The following FBN1 variants were observed in gnomAD, a reference collection of about 807,000 sequenced individuals.
The protein encoded by FBN1 is fibrillin 1, also known as fibrillin-1.
In FBN1, 29 loss-of-function variants were observed where a neutral mutation model predicts 365.1. The ratio of observed to expected loss-of-function variants is 0.08; its 90% CI spans 0.06 to 0.11. The LOEUF is 0.11. FBN1 is among the 10% of genes least tolerant of loss of function. The pLI is 1.00. For synonymous variants in FBN1, 1,210 were observed against 1,270.5 expected, an observed-to-expected ratio of 0.95 and a Z score of 1.01; for missense variants, 2,476 against 3,703.2, an observed-to-expected ratio of 0.67 and a Z score of 8.60.
chr15:48,412,618 C>T lies in FBN1; in HGVS notation c.8177G>A (p.Arg2726Gln), dbSNP rs552157433. Residue 2726 changes from arginine (R) to glutamine (Q), a missense_variant, in exon 65 of 66, where the codon CGG becomes CAG. Physicochemically the swap from Arg to Gln is conservative, Grantham distance 43. Coordinates refer to ENST00000316623, the MANE Select transcript of FBN1 (RefSeq NM_000138.5). ...YECKINGYPK[R>Q]GRKRRSTNET... ...GTTTGTGCTTCTCCGTTTCCTGCCC[C>T]GTTTGGGGTAGCCATTGATCTTACA... 46 of 1,614,206 alleles carry T rather than the reference C, an allele frequency of 2.8e-5. No individual in the cohort carries two copies. Among genetic ancestry groups the T allele is most frequent in the South Asian group, 4.4e-5 (4 of 91,076 alleles).
intron 2 of FBN1, among the ~76,000 whole-genome samples, chr15:48,619,255 AACCACTCT>A (rs1328752547): frequency 1.6e-4 from 24 of 152,130 alleles, no homozygotes; most frequent in Admixed American, 8.5e-4. Flanking sequence ...CAAGCCAGCC[AACCACTCT>A]AACTTACTTT....
chr15:48,437,686 C>CTT, intron 51 of FBN1, 82 bp downstream of exon 51: 1 of 1,400,538 alleles, frequency 7.1e-7, no homozygotes, highest in Middle Eastern at 2.1e-4. Flanking sequence ...GTGTTACTGT[C>CTT]TTTAAGGCCT....
At chr15:48,515,127 T>C (rs969263569) in intron 12 of FBN1, among the ~76,000 whole-genome samples, 2 of 152,196 alleles carry the variant, frequency 1.3e-5, no homozygotes, top group Non-Finnish European at 2.9e-5. Context: ...CACAGGCAGC[T>C]GCTAGTAGCT....
At chr15:48,571,616 A>G (rs2044306080) in intron 6 of FBN1, among the ~76,000 whole-genome samples, 1 of 152,168 alleles carries the variant, frequency 6.6e-6, no homozygotes, top group Non-Finnish European at 1.5e-5. Context: ...ATAAGCAAGG[A>G]TTTTTCTTTC....
intron 5 of FBN1, among the ~76,000 whole-genome samples, chr15:48,596,895 G>A (rs754681133): frequency 4.6e-5 from 7 of 152,280 alleles, no homozygotes; most frequent in Non-Finnish European, 5.9e-5. Context: ...CAGAACTTAC[G>A]GAAACTATTG....
intron 6 of FBN1, among the ~76,000 whole-genome samples, chr15:48,560,802 T>G (rs1879719923): frequency 6.6e-6 from 1 of 152,056 alleles, no homozygotes; most frequent in Non-Finnish European, 1.5e-5. Flanking sequence ...CCCTGGAAAT[T>G]GCCTAATCCA....
intron 5 of FBN1, among the ~76,000 whole-genome samples, chr15:48,599,361 GTATT>G (rs1374344145): frequency 6.6e-6 from 1 of 152,080 alleles, no homozygotes; most frequent in Admixed American, 6.5e-5. Context: ...TTTGAATAAA[GTATT>G]AAGTGAAAAA....
At chr15:48,526,316 T>C (rs1488840845) in intron 8 of FBN1, 61 bp from the exon 9 acceptor site, 2 of 1,580,866 alleles carry the variant, frequency 1.3e-6, no homozygotes, top group Non-Finnish European at 1.7e-6. Context: ...CATTCGTCAG[T>C]AGAAGGACTC....
At position 48,432,727 on chromosome 15, in the gene FBN1, G is replaced by T; in HGVS notation, c.6739+139C>A. 7 of 1,077,734 alleles carry T rather than the reference G, an allele frequency of 6.5e-6. No homozygotes were observed. The Admixed American group carries it at 8.9e-5, about 14-fold the overall frequency. The allele number at this position is 1,077,734 out of a possible 1,614,324, so 66.8% of individuals were successfully genotyped here. A position where few individuals can be genotyped will look rare whatever the true frequency, so the allele number is the denominator to read the frequency against. ...CAGCTACAATTTAGGGGGAAACGTG[G>T]CAGTGACAACCCCCGTATTGTCCAC... On this transcript the variant is annotated intron_variant, in intron 55 of 65. Coordinates refer to ENST00000316623, the MANE Select transcript of FBN1 (RefSeq NM_000138.5).
chr15:48,432,409 G>T (rs1014612540), intron 55 of FBN1, among the ~76,000 whole-genome samples: 5 of 152,152 alleles, frequency 3.3e-5, no homozygotes, highest in African/African-American at 1.2e-4. Flanking sequence ...AATGGAGATG[G>T]TTTAGCTAAA....
intron 15 of FBN1, among the ~76,000 whole-genome samples, chr15:48,506,276 T>C (rs564488248): frequency 6.6e-6 from 1 of 152,230 alleles, no homozygotes; most frequent in Non-Finnish European, 1.5e-5. Context: ...ACAACTCCTT[T>C]TATAATATAC....
chr15:48,571,170 G>A (rs1235631400), intron 6 of FBN1, among the ~76,000 whole-genome samples: 1 of 152,164 alleles, frequency 6.6e-6, no homozygotes, highest in Non-Finnish European at 1.5e-5. Context: ...ACACCCATCA[G>A]CCTGATTTAA....
At chr15:48,555,185 A>G (rs2044170042) in intron 6 of FBN1, among the ~76,000 whole-genome samples, 1 of 152,114 alleles carries the variant, frequency 6.6e-6, no homozygotes, top group African/African-American at 2.4e-5. Flanking sequence ...TTCTTGATCC[A>G]AGGCTAAACT....
At chr15:48,578,231 T>C (rs531112634) in intron 6 of FBN1, among the ~76,000 whole-genome samples, 2 of 152,090 alleles carry the variant, frequency 1.3e-5, no homozygotes, top group Non-Finnish European at 2.9e-5. Flanking sequence ...GAAAGAAAAA[T>C]CAAATCTGCA....
chr15:48,547,787 A>T (rs143932001), intron 6 of FBN1, among the ~76,000 whole-genome samples: 2 of 150,288 alleles, frequency 1.3e-5, no homozygotes, highest in Non-Finnish European at 3.0e-5. Context: ...TCACAGAAGC[A>T]TGCTAACATA....
chr15:48,422,258 G>C (rs1226914286), intron 60 of FBN1, among the ~76,000 whole-genome samples, 190 bp from the exon 61 acceptor site: 2 of 152,112 alleles, frequency 1.3e-5, no homozygotes, highest in East Asian at 3.8e-4. Flanking sequence ...TGTCAATTTA[G>C]ACCCTCCTCC....
rs548105104 is a variant in FBN1, at chr15:48,619,503, T to A, written c.165-6411A>T. Among the ~76,000 whole-genome samples, 7 of 152,098 alleles carry A rather than the reference T, an allele frequency of 4.6e-5. No homozygotes were observed. In the East Asian group the frequency reaches 1.4e-3, roughly 29 times the overall value. On this transcript the variant is annotated intron_variant, in intron 2 of 65. Transcript: ENST00000316623. ...TCTCCCCTTTCCTATCTGCCTTTCT[T>A]CCACTCTGTCTCTTTTCTTCTCTCT...
At chr15:48,444,732 A>G (rs2043140830) in intron 48 of FBN1, 72 bp from the exon 49 acceptor site, 5 of 1,529,936 alleles carry the variant, frequency 3.3e-6, no homozygotes, top group Admixed American at 3.4e-5. Flanking sequence ...TAAAATTCAA[A>G]AAAACTAGAA....
intron 6 of FBN1, among the ~76,000 whole-genome samples, chr15:48,554,737 A>T (rs2044166827): frequency 6.6e-6 from 1 of 152,190 alleles, no homozygotes; most frequent in Admixed American, 6.5e-5. Context: ...AGAAAAGGTA[A>T]GCTACATACA....
Sources: allele counts gnomAD v4.1 joint callset (sites outside exome capture counted in the v4.1 genomes callset), GRCh38; gene constraint gnomAD v4.1.1; transcripts MANE v1.5; gene names NCBI Gene and HGNC (gene_info 2026-07-23, HGNC 2026-07-21).